Variants in PHLDB2 observed in about 807,000 individuals in gnomAD.
The protein encoded by PHLDB2 is pleckstrin homology-like domain family B member 2.
Under a neutral mutation model 123.6 loss-of-function variants are expected in PHLDB2, and 71 were observed. That is an observed-to-expected ratio of 0.57 (90% CI 0.47 to 0.70). The LOEUF is 0.70. Ranked by LOEUF, PHLDB2 falls within the 30% of genes least tolerant of loss-of-function variation. The pLI is 0.00. For synonymous variants in PHLDB2, 547 were observed against 541.6 expected (o/e 1.01, Z -0.14); for missense variants, 1,446 against 1,519.5 (o/e 0.95, Z 0.80).
chr3:111,850,986 G>C (rs1247766834), intron 2 of PHLDB2, among the ~76,000 whole-genome samples: 1 of 151,600 alleles, frequency 6.6e-6, no homozygotes, highest in African/African-American at 2.4e-5. Context: ...ACGAGGTCAG[G>C]AGATGGAGAC....
chr3:111,752,248 C>G (rs76370780), intron 1 of PHLDB2, among the ~76,000 whole-genome samples: 7 of 119,378 alleles, frequency 5.9e-5, no homozygotes, highest in Middle Eastern at 4.4e-3. Context: ...GTGTCTGTGT[C>G]TGTGTGTGTG....
chr3:111,772,392 G>A (rs1385368061), intron 1 of PHLDB2, among the ~76,000 whole-genome samples: 1 of 152,068 alleles, frequency 6.6e-6, no homozygotes, highest in East Asian at 1.9e-4. Context: ...TTGGGGAGAA[G>A]GGAAGGAGTA....
chr3:111,884,035 G>C (rs1209047793), intron 1 of PHLDB2, 29 bp from the exon 2 acceptor site: 3 of 1,570,132 alleles, frequency 1.9e-6, no homozygotes, highest in South Asian at 2.4e-5. Flanking sequence ...CTTCTTTAAG[G>C]CAAAATTTTC....
chr3:111,824,832 T>C (rs1198831336), intron 1 of PHLDB2, among the ~76,000 whole-genome samples: 3 of 152,196 alleles, frequency 2.0e-5, no homozygotes, highest in South Asian at 2.1e-4. Flanking sequence ...TTTTAAAGTA[T>C]GTACTCTGTG....
At chr3:111,961,157 C>G (rs2071390031) in intron 12 of PHLDB2, among the ~76,000 whole-genome samples, 1 of 152,014 alleles carries the variant, frequency 6.6e-6, no homozygotes, top group Non-Finnish European at 1.5e-5. Flanking sequence ...ATGGTGAAAC[C>G]CCGTCTCTAC....
At chr3:111,764,908 C>T (rs2060054105) in intron 1 of PHLDB2, among the ~76,000 whole-genome samples, 1 of 152,192 alleles carries the variant, frequency 6.6e-6, no homozygotes, top group South Asian at 2.1e-4. Context: ...TTAATTTATA[C>T]TTGCTGAGTG....
chr3:111,962,929 C>CAAAAAA (rs57625439), intron 13 of PHLDB2, among the ~76,000 whole-genome samples: 4 of 93,802 alleles, frequency 4.3e-5, no homozygotes, highest in Admixed American at 1.3e-4. Context: ...AACTCCATCT[C>CAAAAAA]AAAAAAAAAA....
chr3:111,902,734 G>C (rs764048568), intron 2 of PHLDB2, among the ~76,000 whole-genome samples: 15 of 152,120 alleles, frequency 9.9e-5, no homozygotes, highest in Admixed American at 3.9e-4. Context: ...CGCCTCCCCA[G>C]CTCAAGTAGT....
intron 1 of PHLDB2, among the ~76,000 whole-genome samples, chr3:111,747,515 T>C (rs2059699651): frequency 6.6e-6 from 1 of 152,264 alleles, no homozygotes; most frequent in South Asian, 2.1e-4. Flanking sequence ...ACTGCAGCAA[T>C]ACCAGGACAG....
Position 111,884,215 on chromosome 3 carries a change from T to G in PHLDB2, c.138T>G (p.Ser46Arg), listed in dbSNP as rs765365311. The G allele has an allele frequency of 1.9e-6, 3 of 1,614,032 alleles. No individual in the cohort carries two copies. The highest frequency in any genetic ancestry group is 2.5e-6 in the Non-Finnish European group (3 of 1,180,016). The change falls in exon 2 of 18, where the codon AGT becomes AGG. Residue 46 changes from serine (S) to arginine (R), a missense_variant. This residue lies in a region of PHLDB2 where 832 missense variants were observed against 831.9 expected (regional missense o/e 1.00). Transcript: ENST00000431670. ...ESLSPKKYSS[S>R]LRFKANGDYS... ...TCAGCCCAAAGAAATACTCTTCCAG[T>G]CTGAGATTTAAAGCCAATGGAGACT... is the stretch of plus-strand genomic sequence containing the variant.
chr3:111,856,453 C>T (rs2064512834), upstream of PHLDB2, among the ~76,000 whole-genome samples: 1 of 152,206 alleles, frequency 6.6e-6, no homozygotes. Context: ...AACAGTAACT[C>T]TCACCGCATC....
At chr3:111,816,876 C>T (rs749152960) in intron 1 of PHLDB2, among the ~76,000 whole-genome samples, 1 of 152,116 alleles carries the variant, frequency 6.6e-6, no homozygotes, top group African/African-American at 2.4e-5. Context: ...GGGAACAACC[C>T]AGTGGGAGGT....
At chr3:111,879,131 C>T (rs1036222019) in intron 1 of PHLDB2, among the ~76,000 whole-genome samples, 9 of 152,134 alleles carry the variant, frequency 5.9e-5, no homozygotes, top group Non-Finnish European at 8.8e-5. Context: ...GGAATGGTAC[C>T]AGCTCCTCTT....
intron 1 of PHLDB2, among the ~76,000 whole-genome samples, chr3:111,753,205 A>C (rs1447197972): frequency 1.5e-4 from 22 of 147,424 alleles, no homozygotes; most frequent in African/African-American, 4.8e-4. Context: ...CTAGTTCTAG[A>C]TCCCTGAGGA....
chr3:111,735,086 A>G (rs1941641555), intron 1 of PHLDB2, among the ~76,000 whole-genome samples: 1 of 152,204 alleles, frequency 6.6e-6, no homozygotes, highest in South Asian at 2.1e-4. Context: ...TCTGAGCCCC[A>G]ACTAAAGTAC....
At chr3:111,753,081 C>T (rs960827932) in intron 1 of PHLDB2, among the ~76,000 whole-genome samples, 3 of 152,104 alleles carry the variant, frequency 2.0e-5, no homozygotes, top group African/African-American at 7.2e-5. Context: ...CAAGTCTTTG[C>T]TATTGTGAAT....
chr3:111,804,670 C>T (rs1371382149), intron 1 of PHLDB2, among the ~76,000 whole-genome samples: 1 of 152,160 alleles, frequency 6.6e-6, no homozygotes, highest in Non-Finnish European at 1.5e-5. Flanking sequence ...CCCAATTAAA[C>T]TTTCATTTCT....
chr3:111,751,368 C>G (rs1576506827), intron 1 of PHLDB2, among the ~76,000 whole-genome samples: 1 of 152,208 alleles, frequency 6.6e-6, no homozygotes, highest in East Asian at 1.9e-4. Context: ...CGAGCTATAA[C>G]TTTCAAGCAT....
At position 111,859,285 on chromosome 3, in the gene PHLDB2, G is replaced by C; in HGVS notation, c.-306G>C. 4 of 985,548 alleles carry C rather than the reference G, an allele frequency of 4.1e-6. No individual in the cohort carries two copies. The highest frequency in any genetic ancestry group is 2.4e-6 in the Non-Finnish European group (2 of 829,998). 61.1% of individuals were successfully genotyped at this position (985,548 alleles called of 1,614,324 possible). ...TCCCTACTGCGTTGCTGCGAACGTA[G>C]CTTTGAGAAGCTGGCGCCCAGTGAT... On this transcript the variant is annotated 5_prime_UTR_variant, in exon 1 of 18. Transcript: ENST00000431670.
Sources: allele counts gnomAD v4.1 joint callset (sites outside exome capture counted in the v4.1 genomes callset), GRCh38; gene constraint gnomAD v4.1.1; regional missense constraint gnomAD v4.1.1; transcripts MANE v1.5; gene names NCBI Gene and HGNC (gene_info 2026-07-23, HGNC 2026-07-21).